GATB: variants seen among roughly 807,000 people sequenced by gnomAD.
GATB encodes glutamyl-tRNA(Gln) amidotransferase subunit B, mitochondrial.
GATB carries 39 observed loss-of-function variants against 62.3 expected under a neutral mutation model. The observed-to-expected ratio is 0.63, with a 90% CI of 0.48 to 0.82. The LOEUF is 0.82. Ranked by LOEUF, GATB falls within the 40% of genes least tolerant of loss-of-function variation. The probability of loss-of-function intolerance (pLI) is 0.00; values close to 1 mark genes in which losing one functional copy is unlikely to be tolerated. For missense variants in GATB, 670 were observed against 684.0 expected, an observed-to-expected ratio of 0.98 and a Z score of 0.23; for synonymous variants, 276 against 258.9, an observed-to-expected ratio of 1.07 and a Z score of -0.63.
rs200965630 is a variant in GATB, at chr4:151,689,740, CAT to C, written c.1198-979_1198-978del. On this transcript the variant is annotated intron_variant, in intron 9 of 12. Transcript: ENST00000263985. ...GCATGTATGTGTGTTGGAAATCACA[CAT>C]GAGGCGCGCATTCTTATCATACCAT... 8.9e-4 allele frequency among the ~76,000 whole-genome samples: 135 copies of C among 152,268 alleles called. 2 individuals are homozygous for C. The highest frequency in any genetic ancestry group is 8.2e-3 in the Admixed American group (126 of 15,300).
chr4:151,760,701 C>T (rs1185741167), intron 1 of GATB, 106 bp downstream of exon 1: 1 of 1,079,722 alleles, frequency 9.3e-7, no homozygotes, highest in Non-Finnish European at 1.3e-6. Flanking sequence ...TCAACGCCCT[C>T]CCGTCAGCCA....
Position 151,670,573 on chromosome 4 carries a change from T to C in GATB, c.*601A>G, listed in dbSNP as rs1374643554. On this transcript the variant is annotated 3_prime_UTR_variant, in exon 13 of 13. Transcript: ENST00000263985. ...GAGGGAGTTTAACAGGCAATATCACTTCTACTCAGTCGATAGGTTGATTAA... is the reference window on the plus strand; with the variant it reads ...GAGGGAGTTTAACAGGCAATATCACCTCTACTCAGTCGATAGGTTGATTAA... 1 of 152,248 alleles carries C rather than the reference T, an allele frequency of 6.6e-6. No homozygotes were observed. The highest frequency in any genetic ancestry group is 1.5e-5 in the Non-Finnish European group (1 of 68,048). 9.4% of individuals were successfully genotyped at this position (152,248 alleles called of 1,614,324 possible). A position where few individuals can be genotyped will look rare whatever the true frequency, so the allele number is the denominator to read the frequency against.
At chr4:151,731,932 G>T (rs1296582640) in intron 2 of GATB, among the ~76,000 whole-genome samples, 2 of 124,836 alleles carry the variant, frequency 1.6e-5, no homozygotes, top group South Asian at 5.3e-4. Flanking sequence ...AGCCCCCGCC[G>T]GGCCAGCCGC....
intron 2 of GATB, chr4:151,722,554 A>G (rs1739052286): frequency 4.1e-6 from 1 of 244,590 alleles, no homozygotes; most frequent in African/African-American, 2.3e-5. Context: ...AACCGTGCTG[A>G]TCTTCTGATT....
chr4:151,705,044 T>TA, intron 7 of GATB, 141 bp downstream of exon 7: 1 of 605,738 alleles, frequency 1.7e-6, no homozygotes, highest in South Asian at 2.0e-5. Context: ...GTACAGTACT[T>TA]TTCTAATTGT....
intron 2 of GATB, among the ~76,000 whole-genome samples, chr4:151,752,137 C>CAGTATAAGTAAGAGTATA (rs1409325577): frequency 6.6e-6 from 1 of 152,170 alleles, no homozygotes; most frequent in Non-Finnish European, 1.5e-5. Flanking sequence ...CATTCTCTTA[C>CAGTATAAGTAAGAGTATA]AGGTATAAGT....
intron 2 of GATB, among the ~76,000 whole-genome samples, chr4:151,757,860 C>T (rs1739867818): frequency 6.6e-6 from 1 of 152,144 alleles, no homozygotes; most frequent in African/African-American, 2.4e-5. Context: ...CCTTTGTCAC[C>T]ACCATGGATA....
In GATB at chr4:151,719,517, C is replaced by G; in HGVS notation, c.349G>C (p.Glu117Gln). ...TLPVLNRRCVEAAVMTGLALN... is the reference protein window; with the variant it reads ...TLPVLNRRCVQAAVMTGLALN... ...GCCAGGCCTGTCATCACCGCCGCTTCTACACACCTCCTGTTGAGAACCTAT... is the reference window on the plus strand; with the variant it reads ...GCCAGGCCTGTCATCACCGCCGCTTGTACACACCTCCTGTTGAGAACCTAT... Residue 117 changes from glutamate to glutamine, a missense_variant, in exon 3 of 13, where the codon GAA (glutamate) becomes CAA (glutamine). By Grantham distance (29) the Glu-to-Gln change is conservative. Transcript: ENST00000263985. The G allele has an allele frequency of 3.1e-6, 5 of 1,609,026 alleles. No homozygotes were observed. Among genetic ancestry groups the G allele is most frequent in the Non-Finnish European group, 3.4e-6 (4 of 1,177,660 alleles).
At chr4:151,732,783 C>T (rs190620442) in intron 2 of GATB, among the ~76,000 whole-genome samples, 2 of 148,036 alleles carry the variant, frequency 1.4e-5, no homozygotes, top group East Asian at 4.0e-4. Flanking sequence ...TCTGTGAATA[C>T]TATCATTATA....
At chr4:151,699,623 C>T (rs999168609) in intron 9 of GATB, among the ~76,000 whole-genome samples, 1 of 152,172 alleles carries the variant, frequency 6.6e-6, no homozygotes, top group African/African-American at 2.4e-5. Context: ...AAGGCAGGCA[C>T]TGTCCCCATC....
intron 9 of GATB, among the ~76,000 whole-genome samples, chr4:151,700,490 AC>A (rs1377958946): frequency 1.3e-5 from 2 of 152,192 alleles, no homozygotes; most frequent in Non-Finnish European, 2.9e-5. Context: ...GTATAAATAG[AC>A]ATATAAATAT....
intron 2 of GATB, among the ~76,000 whole-genome samples, chr4:151,724,898 T>A (rs546825499): frequency 6.6e-6 from 1 of 152,290 alleles, no homozygotes; most frequent in Non-Finnish European, 1.5e-5. Context: ...TAATGAATAA[T>A]TTAACATTTC....
At chr4:151,752,632 T>A (rs1305530293) in intron 2 of GATB, among the ~76,000 whole-genome samples, 2 of 152,210 alleles carry the variant, frequency 1.3e-5, no homozygotes, top group Non-Finnish European at 1.5e-5. Flanking sequence ...AGCAGTATTG[T>A]GTTCTTGTTT....
At position 151,688,681 on chromosome 4, in the gene GATB, AG is replaced by A; in HGVS notation, c.1279del (p.Leu427SerfsTer8). The A allele has an allele frequency of 6.2e-7, 1 of 1,613,422 alleles. No homozygotes were observed. Among genetic ancestry groups the A allele is most frequent in the Non-Finnish European group, 8.5e-7 (1 of 1,179,822 alleles). On this transcript the variant is annotated frameshift_variant, in exon 10 of 13. Transcript: ENST00000263985. LOFTEE classifies it high-confidence loss of function. ...AEPKKVTSWV[L>X]NTFLGYLKQQ... Reference sequence around the variant, plus strand: ...CTTTAAATAGCCCAGAAAAGTGTTGAGGACCCAACTAGTCACCTTTTTTGGC... The same window carrying A: ...CTTTAAATAGCCCAGAAAAGTGTTGAGACCCAACTAGTCACCTTTTTTGGC...
chr4:151,706,308 T>C (rs776462644), intron 6 of GATB, among the ~76,000 whole-genome samples: 18 of 152,358 alleles, frequency 1.2e-4, no homozygotes, highest in African/African-American at 3.8e-4. Flanking sequence ...GAGTTCTTCA[T>C]AGGACAGGAG....
rs373122637 is a variant in GATB at position 151,705,184 on chromosome 4, C to A, written c.962+1G>T. 6.2e-6 allele frequency: 10 copies of A among 1,609,216 alleles called. No homozygotes were observed. The highest frequency in any genetic ancestry group is 8.5e-6 in the Non-Finnish European group (10 of 1,175,760). On this transcript the variant is annotated splice_donor_variant, in intron 7 of 12. Transcript: ENST00000263985. LOFTEE classifies it high-confidence loss of function. ...CAGGACGCTCAGCAATGCGAACTCA[C>A]CCCAGCTTGTGATGAAATGAGCGTG...
chr4:151,710,703 T>C (rs1360589676), intron 5 of GATB, among the ~76,000 whole-genome samples: 1 of 152,220 alleles, frequency 6.6e-6, no homozygotes. Context: ...CTGCTGCCTT[T>C]TGCTCCCAGT....
chr4:151,685,660 C>T (rs1229973193), intron 10 of GATB, among the ~76,000 whole-genome samples: 1 of 152,222 alleles, frequency 6.6e-6, no homozygotes, highest in Non-Finnish European at 1.5e-5. Flanking sequence ...CATCCATAAA[C>T]TCTTCAGCAC....
chr4:151,682,959 G>A (rs1242387199), intron 10 of GATB, among the ~76,000 whole-genome samples: 1 of 151,970 alleles, frequency 6.6e-6, no homozygotes, highest in Non-Finnish European at 1.5e-5. Flanking sequence ...ATTTCACAAG[G>A]ACATCAGCTG....
Sources: gnomAD v4.1 joint callset for allele counts (sites outside exome capture counted in the v4.1 genomes callset) on GRCh38, gnomAD v4.1.1 for gene constraint, MANE v1.5 for transcripts, NCBI Gene and HGNC (gene_info 2026-07-23, HGNC 2026-07-21) for gene names.